The following MEF2D variants were observed in gnomAD, a reference collection of about 807,000 sequenced individuals.
The protein encoded by MEF2D is myocyte-specific enhancer factor 2D.
A neutral mutation model predicts 59.3 loss-of-function variants in MEF2D; 10 were observed. The ratio of observed to expected loss-of-function variants is 0.17; its 90% CI spans 0.10 to 0.29. MEF2D has a LOEUF of 0.29. Ranked by LOEUF, MEF2D falls within the 10% of genes least tolerant of loss-of-function variation. MEF2D has a pLI of 1.00. For synonymous variants in MEF2D, 305 were observed against 295.0 expected, an observed-to-expected ratio of 1.03 and a Z score of -0.35; for missense variants, 508 against 699.4, an observed-to-expected ratio of 0.73 and a Z score of 3.09.
chr1:156,469,038 G>A lies in MEF2D; in HGVS notation c.1007-18C>T, dbSNP rs1671059703. 2 of 1,580,294 alleles carry A rather than the reference G, an allele frequency of 1.3e-6. No individual in the cohort carries two copies. Among genetic ancestry groups the A allele is most frequent in the East Asian group, 2.3e-5 (1 of 44,226 alleles). On this transcript the variant is annotated intron_variant, in intron 9 of 11. Transcript: ENST00000348159. ...CTGGTAATCTGCATGGAGGAAAAGT[G>A]AGGATGAACCTGGAGTTGGGGAGAG...
intron 1 of MEF2D, among the ~76,000 whole-genome samples, chr1:156,497,410 A>G (rs769113842): frequency 1.3e-5 from 2 of 152,244 alleles, no homozygotes; most frequent in African/African-American, 2.4e-5. Context: ...AGTCCCAGCC[A>G]TGGTCCCGTG....
intron 3 of MEF2D, among the ~76,000 whole-genome samples, chr1:156,481,553 C>T (rs1672019008): frequency 6.6e-6 from 1 of 152,212 alleles, no homozygotes; most frequent in Non-Finnish European, 1.5e-5. Context: ...CTAGTGGAGG[C>T]ACATCTGGGG....
chr1:156,468,118 A>T lies in MEF2D; in HGVS notation c.1429T>A (p.Ser477Thr). Reference sequence around the variant, plus strand: ...TCATCCCGGTCTCCCGTCTCATAGGATCCCCCGGCTGGGCTGCTGAGACCA... The same window carrying T: ...TCATCCCGGTCTCCCGTCTCATAGGTTCCCCCGGCTGGGCTGCTGAGACCA... ...GDGLSSPAGG[S>T]YETGDRDDGR... Residue 477 changes from serine (S) to threonine (T), a missense_variant, in exon 11 of 12, where the codon TCC becomes ACC. By Grantham distance (58) the Ser-to-Thr change is moderately conservative. Transcript: ENST00000348159. This position sits in a 1 kb window ranked among gnomAD's most constrained non-coding sequence, Gnocchi z 4.3. 1 of 1,613,856 alleles carries T rather than the reference A, an allele frequency of 6.2e-7. No individual in the cohort carries two copies. Among genetic ancestry groups the T allele is most frequent in the Non-Finnish European group, 8.5e-7 (1 of 1,179,904 alleles).
At chr1:156,490,182 C>T (rs1320734210) in intron 1 of MEF2D, among the ~76,000 whole-genome samples, 2 of 152,148 alleles carry the variant, frequency 1.3e-5, no homozygotes, top group East Asian at 1.9e-4. Context: ...CCAATTCTCA[C>T]AACCCCTCCT....
chr1:156,489,418 C>A (rs1454683821), intron 1 of MEF2D, among the ~76,000 whole-genome samples: 2 of 151,996 alleles, frequency 1.3e-5, no homozygotes, highest in African/African-American at 2.4e-5. Context: ...AGAGGGGGGA[C>A]AGACACACAG....
rs187943111 is a variant in MEF2D, at chr1:156,496,374, G to A, written c.-139+4112C>T. ...CATCTGGAAAGCTGGGGCCCAAGAGGAGGGACCCGGGGACACACGGTCAGT... is the reference window on the plus strand; with the variant it reads ...CATCTGGAAAGCTGGGGCCCAAGAGAAGGGACCCGGGGACACACGGTCAGT... On this transcript the variant is annotated intron_variant, in intron 1 of 11. Transcript: ENST00000348159. Among the ~76,000 whole-genome samples the A allele has an allele frequency of 4.6e-3, 703 of 152,284 alleles. 5 individuals are homozygous for A. Among genetic ancestry groups the A allele is most frequent in the African/African-American group, 0.016 (666 of 41,540 alleles).
At chr1:156,484,794 C>G (rs1039269195) in intron 1 of MEF2D, among the ~76,000 whole-genome samples, 2 of 152,202 alleles carry the variant, frequency 1.3e-5, no homozygotes, top group African/African-American at 2.4e-5. Flanking sequence ...AGGATGGCAG[C>G]ACAGCCTGGG....
intron 4 of MEF2D, 54 bp downstream of exon 4, chr1:156,480,780 G>C (rs1214750125): frequency 2.5e-6 from 4 of 1,602,226 alleles, no homozygotes; most frequent in Admixed American, 3.4e-5. Context: ...TGCAGCGCCT[G>C]GGGGGAAGGG....
chr1:156,484,479 T>C (rs1395280607), intron 1 of MEF2D, among the ~76,000 whole-genome samples: 1 of 152,226 alleles, frequency 6.6e-6, no homozygotes, highest in African/African-American at 2.4e-5. Context: ...CCACGGGCCA[T>C]AGTTTGCTGA....
At chr1:156,500,209 A>G (rs1673405645) in intron 1 of MEF2D, among the ~76,000 whole-genome samples, 1 of 151,768 alleles carries the variant, frequency 6.6e-6, no homozygotes. Flanking sequence ...CGCGCCCCCA[A>G]TCCGCCCGTC....
At chr1:156,476,215 G>A (rs1182064251) in intron 8 of MEF2D, among the ~76,000 whole-genome samples, 1 of 152,208 alleles carries the variant, frequency 6.6e-6, no homozygotes, top group East Asian at 1.9e-4. Context: ...CCTCGCACAC[G>A]TACATACAGA....
chr1:156,485,496 A>G (rs1465649726), intron 1 of MEF2D, among the ~76,000 whole-genome samples: 1 of 150,376 alleles, frequency 6.6e-6, no homozygotes, highest in East Asian at 2.0e-4. Flanking sequence ...TTGCGCTTCA[A>G]ACGACTCCCT....
intron 6 of MEF2D, among the ~76,000 whole-genome samples, chr1:156,478,023 G>A (rs1226695320): frequency 6.6e-6 from 1 of 152,238 alleles, no homozygotes; most frequent in South Asian, 2.1e-4. Flanking sequence ...GGAAACTAGA[G>A]CCTGCTTGGG....
At chr1:156,470,800 T>C (rs1454966651) in intron 9 of MEF2D, among the ~76,000 whole-genome samples, 4 of 152,174 alleles carry the variant, frequency 2.6e-5, no homozygotes, top group Non-Finnish European at 4.4e-5. Context: ...ATCTGGTTCA[T>C]AGAAAATAAT....
At chr1:156,473,965 CCTT>C (rs1671406733) in intron 9 of MEF2D, among the ~76,000 whole-genome samples, 1 of 152,158 alleles carries the variant, frequency 6.6e-6, no homozygotes. Flanking sequence ...TCCTCAGCCT[CCTT>C]GTCTCTTTTC....
chr1:156,470,452 A>AGAAT (rs1017411298), intron 9 of MEF2D, among the ~76,000 whole-genome samples: 1 of 151,650 alleles, frequency 6.6e-6, no homozygotes, highest in African/African-American at 2.4e-5. Context: ...AAAGAAAGAA[A>AGAAT]ATGTCCTCCC....
rs1670676489 is a variant in MEF2D, at chr1:156,463,952, G to C, written c.*3693C>G. 6.5e-6 allele frequency: 1 copy of C among 152,674 alleles called. No individual in the cohort carries two copies. The highest frequency in any genetic ancestry group is 1.5e-5 in the Non-Finnish European group (1 of 68,076). The allele number at this position is 152,674 out of a possible 1,614,324, so 9.5% of individuals were successfully genotyped here. ...CCCCAGGACCCAGGAAGAGCCCCAG[G>C]AGTGTGGGTGATTGTCAGGTGTGGG... On this transcript the variant is annotated 3_prime_UTR_variant, in exon 12 of 12. Coordinates refer to ENST00000348159, the MANE Select transcript of MEF2D (RefSeq NM_005920.4).
intron 11 of MEF2D, 147 bp from the exon 12 acceptor site, chr1:156,467,803 T>C (rs1670951860): frequency 9.3e-7 from 1 of 1,076,566 alleles, no homozygotes; most frequent in South Asian, 1.7e-5. Flanking sequence ...GAAGGACTGA[T>C]GCTGGAGGGA....
intron 9 of MEF2D, among the ~76,000 whole-genome samples, chr1:156,470,950 AG>A (rs1432973857): frequency 6.6e-6 from 1 of 152,156 alleles, no homozygotes; most frequent in African/African-American, 2.4e-5. Flanking sequence ...ATCTCTCTAG[AG>A]GGGGATCTGT....
Sources: allele counts gnomAD v4.1 joint callset (sites outside exome capture counted in the v4.1 genomes callset), GRCh38; gene constraint gnomAD v4.1.1; non-coding constraint Gnocchi (gnomAD v3.1); transcripts MANE v1.5; gene names NCBI Gene and HGNC (gene_info 2026-07-23, HGNC 2026-07-21).